The following ZNF846 variants were observed in gnomAD, a reference collection of about 807,000 sequenced individuals.
ZNF846 encodes the protein zinc finger protein 846, also known as zinc finger protein 420 pseudogene.
A neutral mutation model predicts 16.0 loss-of-function variants in ZNF846; 15 were observed. That is an observed-to-expected ratio of 0.94 (90% CI 0.63 to 1.45). ZNF846 has a LOEUF of 1.45. ZNF846 is among the 40% of genes most tolerant of loss of function. ZNF846 has a pLI of 0.00. For missense variants in ZNF846, 714 were observed against 622.3 expected, an observed-to-expected ratio of 1.15 and a Z score of -1.57; for synonymous variants, 229 against 212.0, an observed-to-expected ratio of 1.08 and a Z score of -0.70.
At chr19:9,785,008 T>C (rs973101693) in intron 1 of ZNF846, among the ~76,000 whole-genome samples, 1 of 152,142 alleles carries the variant, frequency 6.6e-6, no homozygotes, top group South Asian at 2.1e-4. Context: ...ATAGACACAG[T>C]AACAGTCTGA....
intron 1 of ZNF846, among the ~76,000 whole-genome samples, chr19:9,782,529 C>G (rs969507): frequency 6.6e-6 from 1 of 152,186 alleles, no homozygotes; most frequent in Admixed American, 6.5e-5. Context: ...TCCCAAAGCA[C>G]TGGGATTGCA....
intron 1 of ZNF846, among the ~76,000 whole-genome samples, chr19:9,785,629 C>T (rs2045551483): frequency 9.1e-6 from 1 of 110,458 alleles, no homozygotes; most frequent in Non-Finnish European, 1.9e-5. Context: ...TCTCCCTCAC[C>T]CAGACCCCGC....
chr19:9,751,233 C>A (rs1231498171), downstream of ZNF846, among the ~76,000 whole-genome samples: 3 of 152,064 alleles, frequency 2.0e-5, no homozygotes, highest in Non-Finnish European at 4.4e-5. Flanking sequence ...TCACCCCTTA[C>A]CCCAAAATCT....
At chr19:9,750,051 C>A (rs1180067882), downstream of ZNF846, among the ~76,000 whole-genome samples, 2 of 152,052 alleles carry the variant, frequency 1.3e-5, no homozygotes, top group East Asian at 1.9e-4. Flanking sequence ...GGAAACCTTC[C>A]ACCATCCAAA....
intron 4 of ZNF846, 78 bp from the exon 5 acceptor site, chr19:9,760,020 G>A (rs941822002): frequency 2.7e-5 from 29 of 1,068,764 alleles, no homozygotes; most frequent in Middle Eastern, 2.5e-4. Flanking sequence ...GGCTGGGCGT[G>A]GTGGCTCACA....
exon 1 of ZNF846, chr19:9,768,563 G>A (rs1362832267): frequency 6.6e-6 from 1 of 152,202 alleles, no homozygotes; most frequent in Non-Finnish European, 1.5e-5. Flanking sequence ...CGCTTCTCCG[G>A]AGCAGCAGCG....
chr19:9,769,427 CTCTT>C (rs1482368319), upstream of ZNF846, among the ~76,000 whole-genome samples: 1 of 151,970 alleles, frequency 6.6e-6, no homozygotes, highest in East Asian at 1.9e-4. Context: ...GACAGGGTCT[CTCTT>C]TGTTACCCAG....
At chr19:9,755,057 G>A (rs1313485349), downstream of ZNF846, among the ~76,000 whole-genome samples, 2 of 151,036 alleles carry the variant, frequency 1.3e-5, no homozygotes, top group African/African-American at 4.9e-5. Flanking sequence ...GTAGAGACGG[G>A]GTTTCACCAT....
At chr19:9,765,997 T>C (rs924772516) in intron 1 of ZNF846, among the ~76,000 whole-genome samples, 4 of 152,226 alleles carry the variant, frequency 2.6e-5, no homozygotes, top group Non-Finnish European at 4.4e-5. Context: ...TAGTTGACTT[T>C]GCCTAGCAAC....
chr19:9,776,496 A>G lies in ZNF846; in HGVS notation c.-86+9442T>C, dbSNP rs149237894. On this transcript the variant is annotated intron_variant, in intron 1 of 4. Coordinates refer to the ZNF846 transcript ENST00000586814. ...CTCTGCCTCAACTGCCAGGCAGGGA[A>G]GGGCCCCCTGTCCAGTGGACACGTG... Among the ~76,000 whole-genome samples, 1,328 of 152,346 alleles carry G rather than the reference A, an allele frequency of 8.7e-3. 14 individuals are homozygous for G. Among genetic ancestry groups the G allele is most frequent in the African/African-American group, 0.031 (1,281 of 41,574 alleles).
intron 3 of ZNF846, among the ~76,000 whole-genome samples, chr19:9,762,846 C>T (rs2045251235): frequency 6.6e-6 from 1 of 152,114 alleles, no homozygotes; most frequent in Admixed American, 6.6e-5. Flanking sequence ...CAAGCTTGTT[C>T]TATAAAGTAA....
At chr19:9,756,764 A>G (rs908645620), downstream of ZNF846, 1 of 123,234 alleles carries the variant, frequency 8.1e-6, no homozygotes, top group Non-Finnish European at 1.9e-5. Context: ...CACTAAGTAA[A>G]TGTTTTATCA....
chr19:9,778,145 C>G (rs1462613803), intron 1 of ZNF846, among the ~76,000 whole-genome samples: 1 of 151,900 alleles, frequency 6.6e-6, no homozygotes, highest in Non-Finnish European at 1.5e-5. Flanking sequence ...AAAACAACTG[C>G]CTTAAAGATG....
At chr19:9,753,258 T>TTATC, downstream of ZNF846, among the ~76,000 whole-genome samples, 1 of 140,132 alleles carries the variant, frequency 7.1e-6, no homozygotes, top group Non-Finnish European at 1.6e-5. Flanking sequence ...ATTTATTTAT[T>TTATC]TATTTATTTT....
downstream of ZNF846, among the ~76,000 whole-genome samples, chr19:9,754,589 C>CAAAAAAAAAAAAAAAAAAAAA (rs1203086590): frequency 9.6e-5 from 10 of 104,020 alleles, no homozygotes; most frequent in South Asian, 5.8e-4. Context: ...AAAAAAAAAG[C>CAAAAAAAAAAAAAAAAAAAAA]AAAGGGCAAC....
intron 1 of ZNF846, among the ~76,000 whole-genome samples, chr19:9,776,879 T>A (rs192991911): frequency 4.9e-4 from 75 of 151,836 alleles, no homozygotes; most frequent in Non-Finnish European, 8.5e-4. Context: ...GAGAGGGAGC[T>A]TATGTGCTAG....
upstream of ZNF846, among the ~76,000 whole-genome samples, chr19:9,773,491 T>C (rs148649192): frequency 3.2e-4 from 48 of 152,180 alleles, no homozygotes; most frequent in African/African-American, 1.1e-3. Flanking sequence ...TTTTGAAACA[T>C]AGAATTGCAG....
At chr19:9,754,045 T>G (rs997425819), downstream of ZNF846, among the ~76,000 whole-genome samples, 1 of 151,656 alleles carries the variant, frequency 6.6e-6, no homozygotes, top group African/African-American at 2.4e-5. Flanking sequence ...ATTTACTTCA[T>G]GTATTTTAAG....
rs377132551 is a variant in ZNF846, at chr19:9,758,465, C to T, written c.612G>A (p.Trp204Ter). The stretch of plus-strand genomic sequence containing the variant: ...GGGATGACTGATTAAGAAAAGTTCT[C>T]CAACAGTCTTTGCATTCACACAATT... Residue 204 changes from tryptophan (W) to a stop codon, truncating the protein, a stop_gained, in exon 6 of 6, where the codon TGG becomes TGA. Transcript: ENST00000397902. LOFTEE classifies it low-confidence loss of function (END_TRUNC). 6 of 1,613,484 alleles carry T rather than the reference C, an allele frequency of 3.7e-6. No homozygotes were observed. The highest frequency in any genetic ancestry group is 5.1e-6 in the Non-Finnish European group (6 of 1,179,998).
Sources: allele counts gnomAD v4.1 joint callset (sites outside exome capture counted in the v4.1 genomes callset), GRCh38; gene constraint gnomAD v4.1.1; transcripts MANE v1.5; gene names NCBI Gene and HGNC (gene_info 2026-07-23, HGNC 2026-07-21).